The following GFRA2 variants were observed in gnomAD, a reference collection of about 807,000 sequenced individuals.
GFRA2 encodes the protein GDNF family receptor alpha 2.
GFRA2 carries 17 observed loss-of-function variants against 48.3 expected under a neutral mutation model. The ratio of observed to expected loss-of-function variants is 0.35; its 90% CI spans 0.24 to 0.53. GFRA2 has a LOEUF of 0.53. Among genes scored for constraint, GFRA2 ranks in the 20% least tolerant of loss-of-function variants. The probability of loss-of-function intolerance (pLI) is 0.93; values close to 1 mark genes in which losing one functional copy is unlikely to be tolerated. For synonymous variants in GFRA2, 305 were observed against 257.2 expected, an observed-to-expected ratio of 1.19 and a Z score of -1.78; for missense variants, 660 against 637.3, an observed-to-expected ratio of 1.04 and a Z score of -0.38.
At chr8:21,713,370 A>G (rs1476864942) in intron 4 of GFRA2, among the ~76,000 whole-genome samples, 1 of 151,522 alleles carries the variant, frequency 6.6e-6, no homozygotes. Context: ...TCGTTTTTGT[A>G]TTTTTAATAG....
intron 4 of GFRA2, among the ~76,000 whole-genome samples, chr8:21,743,634 AAATT>A (rs1804858430): frequency 6.6e-6 from 1 of 152,180 alleles, no homozygotes; most frequent in Non-Finnish European, 1.5e-5. Context: ...AAGAGTAGTG[AAATT>A]AATAAAGAAA....
chr8:21,698,205 A>G (rs1156649442), intron 7 of GFRA2, among the ~76,000 whole-genome samples: 2 of 152,176 alleles, frequency 1.3e-5, no homozygotes, highest in Non-Finnish European at 2.9e-5. Flanking sequence ...CTAACAGCAA[A>G]TCCTCCACCA....
chr8:21,807,292 T>C (rs1365540626), intron 1 of GFRA2, among the ~76,000 whole-genome samples: 1 of 152,206 alleles, frequency 6.6e-6, no homozygotes, highest in East Asian at 1.9e-4. Context: ...CACCTCTTGC[T>C]GTCTTGCTCA....
chr8:21,759,476 AAGAAGGAAAGAAGGAAG>A (rs1563252107), intron 3 of GFRA2, among the ~76,000 whole-genome samples: 1 of 126,300 alleles, frequency 7.9e-6, no homozygotes, highest in African/African-American at 3.1e-5. Flanking sequence ...GAGGGAGGGA[AAGAAGGAAAGAAGGAAG>A]GAAGGAAGGA....
intron 1 of GFRA2, among the ~76,000 whole-genome samples, chr8:21,786,046 C>T (rs907067182): frequency 2.0e-5 from 3 of 152,182 alleles, no homozygotes; most frequent in African/African-American, 7.2e-5. Context: ...CTCAGCCCAG[C>T]TTTAGAAGGG....
At chr8:21,694,092 T>TATATATATATATATATATATATATATA (rs1221616880) in intron 8 of GFRA2, among the ~76,000 whole-genome samples, 75 of 138,492 alleles carry the variant, frequency 5.4e-4, no homozygotes, top group Non-Finnish European at 7.9e-4. Context: ...TATATATATA[T>TATATATATATATATATATATATATATA]TTCCTATAGT....
intron 6 of GFRA2, among the ~76,000 whole-genome samples, chr8:21,703,278 G>A (rs1029038580): frequency 1.3e-5 from 2 of 152,110 alleles, no homozygotes; most frequent in South Asian, 2.1e-4. Flanking sequence ...TGGGATGCAG[G>A]GGAGCCTAGG....
chr8:21,721,629 T>C (rs563892320), intron 4 of GFRA2, among the ~76,000 whole-genome samples: 2 of 152,338 alleles, frequency 1.3e-5, no homozygotes, highest in African/African-American at 4.8e-5. Context: ...AAACTAGCTC[T>C]GAAAAATAGA....
intron 7 of GFRA2, among the ~76,000 whole-genome samples, chr8:21,696,943 GGGGGAGGGGACAGAGGAAA>G (rs1802210360): frequency 1.5e-5 from 2 of 136,408 alleles, no homozygotes; most frequent in African/African-American, 5.5e-5. Flanking sequence ...GACAGAGGAA[GGGGGAGGGGACAGAGGAAA>G]GGGGAAGGGA....
At chr8:21,776,266 G>T (rs1329956417) in intron 2 of GFRA2, among the ~76,000 whole-genome samples, 3 of 152,072 alleles carry the variant, frequency 2.0e-5, no homozygotes, top group Admixed American at 2.0e-4. Flanking sequence ...GGCTCACCGA[G>T]CAAGGAGGCT....
intron 2 of GFRA2, among the ~76,000 whole-genome samples, chr8:21,801,650 C>A (rs779986401): frequency 2.7e-5 from 4 of 150,456 alleles, no homozygotes; most frequent in African/African-American, 9.8e-5. Flanking sequence ...CTATTGTGCT[C>A]CAGGCAGAGT....
chr8:21,698,432 C>T (rs895914021), intron 7 of GFRA2, among the ~76,000 whole-genome samples: 5 of 152,214 alleles, frequency 3.3e-5, no homozygotes, highest in African/African-American at 9.7e-5. Flanking sequence ...TCTTCCTCCT[C>T]TTCCTTGCCC....
At chr8:21,790,252 G>A, upstream of GFRA2, 1 of 189,146 alleles carries the variant, frequency 5.3e-6, no homozygotes, top group South Asian at 1.8e-4. Context: ...CCCGGCCCTC[G>A]CGCCACGTTC....
At chr8:21,751,681 G>A (rs1805300808) in intron 3 of GFRA2, among the ~76,000 whole-genome samples, 1 of 152,322 alleles carries the variant, frequency 6.6e-6, no homozygotes, top group South Asian at 2.1e-4. Context: ...CCGCAAGGTG[G>A]TGGGAAGGAC....
chr8:21,760,919 C>T (rs527413165), intron 3 of GFRA2, among the ~76,000 whole-genome samples: 3 of 151,906 alleles, frequency 2.0e-5, no homozygotes, highest in East Asian at 1.9e-4. Context: ...TCAACTGACA[C>T]CCCCCCAAAT....
intron 4 of GFRA2, among the ~76,000 whole-genome samples, chr8:21,710,444 A>C (rs1290741520): frequency 6.6e-6 from 1 of 152,112 alleles, no homozygotes; most frequent in Admixed American, 6.5e-5. Flanking sequence ...GGTCCCACAC[A>C]GGGCAAGTGA....
At chr8:21,755,891 T>C (rs1263348126) in intron 3 of GFRA2, among the ~76,000 whole-genome samples, 1 of 152,244 alleles carries the variant, frequency 6.6e-6, no homozygotes, top group Non-Finnish European at 1.5e-5. Context: ...CAAACCATTC[T>C]GCCCAGGACA....
In GFRA2 at chr8:21,804,229, C is replaced by T. The variant is rs1585354178; in HGVS notation, c.-36+788G>A. On this transcript the variant is annotated intron_variant, in intron 2 of 10. Coordinates refer to the GFRA2 transcript ENST00000517328. ...ACACACACACACACACACACACACA[C>T]ATGCATACACACAATTTACAGTTCC... Among the ~76,000 whole-genome samples, 3 of 147,752 alleles carry T rather than the reference C, an allele frequency of 2.0e-5. No individual in the cohort carries two copies. The South Asian group carries it at 6.3e-4, about 31-fold the overall frequency.
chr8:21,794,282 G>A (rs1033644424), intron 2 of GFRA2, among the ~76,000 whole-genome samples: 8 of 115,050 alleles, frequency 7.0e-5, no homozygotes, highest in African/African-American at 1.4e-4. Flanking sequence ...TCACTCTGTC[G>A]CCCAGGCTGG....
Sources: allele counts gnomAD v4.1 joint callset (sites outside exome capture counted in the v4.1 genomes callset), GRCh38; gene constraint gnomAD v4.1.1; transcripts MANE v1.5; gene names NCBI Gene and HGNC (gene_info 2026-07-23, HGNC 2026-07-21).